The following SLC12A8 variants were observed in gnomAD, a reference collection of about 807,000 sequenced individuals.
SLC12A8 encodes solute carrier family 12 member 8.
In SLC12A8, 69 loss-of-function variants were observed where a neutral mutation model predicts 75.6. The ratio of observed to expected loss-of-function variants is 0.91; its 90% CI spans 0.75 to 1.11. SLC12A8 has a LOEUF of 1.11. SLC12A8 is among the 50% of genes most tolerant of loss of function. The probability of loss-of-function intolerance (pLI) is 0.00; values close to 1 mark genes in which losing one functional copy is unlikely to be tolerated. For missense variants in SLC12A8, 877 were observed against 896.7 expected, an observed-to-expected ratio of 0.98 and a Z score of 0.28; for synonymous variants, 365 against 372.8, an observed-to-expected ratio of 0.98 and a Z score of 0.24.
chr3:125,141,721 G>T (rs1044030270), intron 5 of SLC12A8, among the ~76,000 whole-genome samples: 1 of 152,114 alleles, frequency 6.6e-6, no homozygotes, highest in African/African-American at 2.4e-5. Flanking sequence ...CGCGGCGGGG[G>T]CTTCCGGCGG....
At chr3:125,110,956 T>C (rs1939173045) in intron 8 of SLC12A8, among the ~76,000 whole-genome samples, 1 of 152,214 alleles carries the variant, frequency 6.6e-6, no homozygotes, top group African/African-American at 2.4e-5. Context: ...TTTTTCTGTC[T>C]GTAGGAAGCC....
chr3:125,131,353 T>C (rs1037622171), intron 6 of SLC12A8, among the ~76,000 whole-genome samples: 1 of 152,170 alleles, frequency 6.6e-6, no homozygotes, highest in Non-Finnish European at 1.5e-5. Context: ...TGGGGCCACA[T>C]AAAAATACAA....
Position 125,083,263 on chromosome 3 carries a change from G to A in SLC12A8, c.*627C>T, listed in dbSNP as rs1469434210. The A allele has an allele frequency of 6.6e-6, 1 of 152,186 alleles. No individual in the cohort carries two copies. The highest frequency in any genetic ancestry group is 1.5e-5 in the Non-Finnish European group (1 of 68,050). 9.4% of individuals were successfully genotyped at this position (152,186 alleles called of 1,614,324 possible). A position where few individuals can be genotyped will look rare whatever the true frequency, so the allele number is the denominator to read the frequency against. On this transcript the variant is annotated 3_prime_UTR_variant, in exon 14 of 14. Coordinates refer to ENST00000469902, the MANE Select transcript of SLC12A8 (RefSeq NM_024628.6). Reference sequence around the variant, plus strand: ...TCTGCACAAGCAATCTGGTTGTGCAGAGTCTTGGTGTCCCCTGCTAGTCTT... The same window carrying A: ...TCTGCACAAGCAATCTGGTTGTGCAAAGTCTTGGTGTCCCCTGCTAGTCTT...
rs1408981672 is a variant in SLC12A8 at position 125,084,062 on chromosome 3, G to A, written c.1983-10C>T. On this transcript the variant is annotated splice_polypyrimidine_tract_variant and intron_variant, in intron 13 of 13. Transcript: ENST00000469902. The stretch of plus-strand genomic sequence containing the variant: ...AGGGGACCGCAAGCTCCTGCAGTGA[G>A]AGAGACACAGAGGATGGTGAGAAGG... The A allele has an allele frequency of 1.2e-6, 2 of 1,607,756 alleles. No individual in the cohort carries two copies. The highest frequency in any genetic ancestry group is 3.4e-5 in the Admixed American group (2 of 59,088).
intron 4 of SLC12A8, among the ~76,000 whole-genome samples, chr3:125,184,412 A>G (rs1485871984): frequency 1.3e-5 from 2 of 152,184 alleles, no homozygotes; most frequent in South Asian, 2.1e-4. Context: ...GGACACAACT[A>G]TACCCGTTTT....
intron 8 of SLC12A8, among the ~76,000 whole-genome samples, 183 bp downstream of exon 8, chr3:125,118,586 A>C (rs935007070): frequency 2.6e-5 from 4 of 152,194 alleles, no homozygotes; most frequent in Non-Finnish European, 5.9e-5. Context: ...CTGAGATTGC[A>C]ACACTGCACT....
At chr3:125,176,411 A>G (rs967597819) in intron 5 of SLC12A8, among the ~76,000 whole-genome samples, 4 of 152,212 alleles carry the variant, frequency 2.6e-5, no homozygotes, top group Non-Finnish European at 2.9e-5. Flanking sequence ...ACACATAGGC[A>G]TGGGCAAGGA....
chr3:125,166,327 G>A (rs1252613128), intron 5 of SLC12A8, among the ~76,000 whole-genome samples: 4 of 76,276 alleles, frequency 5.2e-5, no homozygotes, highest in Admixed American at 1.5e-4. Flanking sequence ...CCCCCATCTC[G>A]TCTCTTTTCC....
At chr3:125,174,109 C>T (rs1410773341) in intron 5 of SLC12A8, among the ~76,000 whole-genome samples, 1 of 151,778 alleles carries the variant, frequency 6.6e-6, no homozygotes, top group African/African-American at 2.4e-5. Flanking sequence ...AACAAAACAA[C>T]TCAATGATAG....
chr3:125,200,392 T>C (rs1307079867), intron 2 of SLC12A8, among the ~76,000 whole-genome samples: 2 of 152,188 alleles, frequency 1.3e-5, no homozygotes, highest in Non-Finnish European at 2.9e-5. Flanking sequence ...AAGGCTCCAG[T>C]GAGCCATGAT....
chr3:125,207,114 G>T (rs908906914), intron 2 of SLC12A8, among the ~76,000 whole-genome samples: 1 of 152,196 alleles, frequency 6.6e-6, no homozygotes, highest in Non-Finnish European at 1.5e-5. Context: ...ACCCAGGCAG[G>T]TCTCAGCGAC....
intron 10 of SLC12A8, among the ~76,000 whole-genome samples, chr3:125,101,658 T>A (rs1453786890): frequency 6.6e-6 from 1 of 152,262 alleles, no homozygotes; most frequent in Non-Finnish European, 1.5e-5. Flanking sequence ...ACAGCTGTTG[T>A]AAATAAATAA....
chr3:125,148,737 G>A (rs1933847333), intron 5 of SLC12A8, among the ~76,000 whole-genome samples: 1 of 152,096 alleles, frequency 6.6e-6, no homozygotes, highest in African/African-American at 2.4e-5. Context: ...CTCTGGGTCT[G>A]TAGCTGGCTG....
intron 10 of SLC12A8, among the ~76,000 whole-genome samples, chr3:125,101,975 T>C (rs1334598145): frequency 6.6e-6 from 1 of 152,234 alleles, no homozygotes; most frequent in Admixed American, 6.5e-5. Context: ...CAAAGGAATC[T>C]GACAATCTAG....
intron 2 of SLC12A8, among the ~76,000 whole-genome samples, chr3:125,209,578 A>T (rs1712468): frequency 0.91 from 138,554 of 152,288 alleles, 63,246 homozygotes; most frequent in African/African-American, 0.98. Flanking sequence ...TGATGGGGCA[A>T]CTTCTATACA....
chr3:125,145,511 C>A (rs1933750735), intron 5 of SLC12A8, among the ~76,000 whole-genome samples: 1 of 152,146 alleles, frequency 6.6e-6, no homozygotes, highest in African/African-American at 2.4e-5. Flanking sequence ...CACAGATGAA[C>A]TTTGAAGACC....
chr3:125,161,118 T>G (rs1247800212), intron 5 of SLC12A8, among the ~76,000 whole-genome samples: 1 of 152,210 alleles, frequency 6.6e-6, no homozygotes, highest in African/African-American at 2.4e-5. Flanking sequence ...CTTCCCATCC[T>G]CTTGTCTCGG....
intron 10 of SLC12A8, among the ~76,000 whole-genome samples, chr3:125,094,908 C>T (rs1054724513): frequency 6.6e-6 from 1 of 152,242 alleles, no homozygotes; most frequent in African/African-American, 2.4e-5. Flanking sequence ...GCATCTGATA[C>T]ATGTGATCAC....
intron 10 of SLC12A8, among the ~76,000 whole-genome samples, chr3:125,103,670 T>A (rs1938945251): frequency 6.6e-6 from 1 of 152,054 alleles, no homozygotes; most frequent in Non-Finnish European, 1.5e-5. Flanking sequence ...TCTCAATATG[T>A]TACCTAGGCT....
Sources: allele counts gnomAD v4.1 joint callset (sites outside exome capture counted in the v4.1 genomes callset), GRCh38; gene constraint gnomAD v4.1.1; transcripts MANE v1.5; gene names NCBI Gene and HGNC (gene_info 2026-07-23, HGNC 2026-07-21).